The following ATP8A2 variants were observed in gnomAD, a reference collection of about 807,000 sequenced individuals.
ATP8A2 encodes the protein ATPase phospholipid transporting 8A2.
ATP8A2 carries 100 observed loss-of-function variants against 165.6 expected under a neutral mutation model. The ratio of observed to expected loss-of-function variants is 0.60; its 90% CI spans 0.51 to 0.71. The LOEUF is 0.71. ATP8A2 is among the 30% of genes least tolerant of loss of function. The pLI is 0.00. For synonymous variants in ATP8A2, 543 were observed against 548.8 expected, an observed-to-expected ratio of 0.99 and a Z score of 0.15; for missense variants, 1,227 against 1,479.5, an observed-to-expected ratio of 0.83 and a Z score of 2.80.
At chr13:25,848,488 G>C (rs1215298825) in intron 30 of ATP8A2, among the ~76,000 whole-genome samples, 1 of 152,212 alleles carries the variant, frequency 6.6e-6, no homozygotes, top group Non-Finnish European at 1.5e-5. Flanking sequence ...CTCACTGGGT[G>C]ACTGCCTGGG....
At chr13:25,590,873 G>A (rs774824822) in intron 24 of ATP8A2, among the ~76,000 whole-genome samples, 74 of 152,158 alleles carry the variant, frequency 4.9e-4, no homozygotes, top group Middle Eastern at 3.4e-3. Flanking sequence ...GGGAGAGTCC[G>A]TAGTTCTGTA....
intron 24 of ATP8A2, among the ~76,000 whole-genome samples, chr13:25,683,159 A>C (rs541467174): frequency 6.6e-6 from 1 of 152,308 alleles, no homozygotes; most frequent in Non-Finnish European, 1.5e-5. Flanking sequence ...GTAATGGTGT[A>C]TAGGATGAAA....
intron 1 of ATP8A2, among the ~76,000 whole-genome samples, chr13:25,419,541 C>G (rs773785292): frequency 5.3e-5 from 8 of 152,064 alleles, no homozygotes; most frequent in Non-Finnish European, 1.2e-4. Context: ...TGACTAATGC[C>G]CAACGCACTT....
chr13:25,710,211 C>G (rs1017778152), intron 25 of ATP8A2, among the ~76,000 whole-genome samples: 1 of 152,088 alleles, frequency 6.6e-6, no homozygotes, highest in Admixed American at 6.6e-5. Flanking sequence ...ATGTAATGAT[C>G]AGATCAGGGT....
intron 1 of ATP8A2, among the ~76,000 whole-genome samples, chr13:25,418,389 A>G (rs2034196675): frequency 6.6e-6 from 1 of 152,100 alleles, no homozygotes; most frequent in South Asian, 2.1e-4. Flanking sequence ...GCAGTGCCAG[A>G]CCTTCACTGA....
At chr13:25,623,866 A>G (rs2041036266) in intron 24 of ATP8A2, among the ~76,000 whole-genome samples, 1 of 152,118 alleles carries the variant, frequency 6.6e-6, no homozygotes. Flanking sequence ...ATGCATAGAT[A>G]TATGCATATA....
At chr13:25,912,918 C>T (rs1031574325) in intron 33 of ATP8A2, among the ~76,000 whole-genome samples, 5 of 152,172 alleles carry the variant, frequency 3.3e-5, no homozygotes, top group Non-Finnish European at 5.9e-5. Flanking sequence ...TGCAGCAGTG[C>T]GTTGGTCAAC....
rs774498645 is a variant in ATP8A2 at position 25,769,115 on chromosome 13, C to T, written c.2454C>T (p.Ala818=). 6.2e-7 allele frequency: 1 copy of T among 1,614,196 alleles called. No homozygotes were observed. The highest frequency in any genetic ancestry group is 8.5e-7 in the Non-Finnish European group (1 of 1,180,034). The change falls in exon 26 of 37, where the codon GCC becomes GCT. Residue 818 remains alanine (A), a synonymous_variant. Transcript: ENST00000381655. ...VKKRVKAITL[A]IGDGANDVGM... ...AGCGGGTGAAGGCCATCACCCTCGC[C>T]ATCGGAGACGGCGCCAACGATGTCG...
chr13:25,593,867 T>TA (rs1271311611), intron 24 of ATP8A2, among the ~76,000 whole-genome samples: 10 of 152,274 alleles, frequency 6.6e-5, no homozygotes, highest in East Asian at 1.9e-4. Flanking sequence ...GAATTCCTGT[T>TA]AAAAAAATAA....
intron 27 of ATP8A2, among the ~76,000 whole-genome samples, chr13:25,817,930 C>G (rs1951072547): frequency 1.3e-5 from 2 of 152,178 alleles, no homozygotes; most frequent in Non-Finnish European, 2.9e-5. Context: ...GTCCTGCTGC[C>G]TCAACCTCCC....
At chr13:25,835,948 T>C (rs74038027) in intron 28 of ATP8A2, among the ~76,000 whole-genome samples, 3,833 of 152,296 alleles carry the variant, frequency 0.025, 166 homozygotes, top group African/African-American at 0.085. Context: ...ACATCTCATT[T>C]CATGAAACAG....
Position 25,769,134 on chromosome 13 carries a change from G to C in ATP8A2, c.2473G>C (p.Asp825His), listed in dbSNP as rs796952533. ...CCTCGCCATCGGAGACGGCGCCAACGATGTCGGGATGATCCAGACAGCCCA... is the reference window on the plus strand; with the variant it reads ...CCTCGCCATCGGAGACGGCGCCAACCATGTCGGGATGATCCAGACAGCCCA... ...ITLAIGDGAN[D>H]VGMIQTAHVG... The change falls in exon 26 of 37, where the codon GAT (aspartate) becomes CAT (histidine). Residue 825 changes from aspartate to histidine, a missense_variant. Physicochemically the swap from Asp to His is moderately conservative, Grantham distance 81 (BLOSUM62 -1). Around this residue, in one of 5 missense-constraint regions of ATP8A2, gnomAD observed 592 missense variants for 785.6 expected, o/e 0.75. Transcript: ENST00000381655. The C allele has an allele frequency of 6.2e-7, 1 of 1,614,186 alleles. No individual in the cohort carries two copies. The highest frequency in any genetic ancestry group is 8.5e-7 in the Non-Finnish European group (1 of 1,180,022).
chr13:25,432,376 T>C (rs1421027091), intron 1 of ATP8A2, among the ~76,000 whole-genome samples: 2 of 152,198 alleles, frequency 1.3e-5, no homozygotes, highest in African/African-American at 2.4e-5. Flanking sequence ...CCCTAGGGAA[T>C]AGGATGTCTC....
At chr13:25,842,677 A>G (rs1418518379) in intron 30 of ATP8A2, among the ~76,000 whole-genome samples, 1 of 151,780 alleles carries the variant, frequency 6.6e-6, no homozygotes, top group Non-Finnish European at 1.5e-5. Flanking sequence ...GTCAAAAAAA[A>G]AAAGAAAGAA....
At chr13:25,697,005 G>T (rs1426943753) in intron 24 of ATP8A2, among the ~76,000 whole-genome samples, 1 of 152,166 alleles carries the variant, frequency 6.6e-6, no homozygotes, top group East Asian at 1.9e-4. Context: ...TTAAAATATT[G>T]CAAGAATTAC....
intron 24 of ATP8A2, among the ~76,000 whole-genome samples, chr13:25,687,739 C>G (rs1030853470): frequency 2.0e-5 from 3 of 151,984 alleles, no homozygotes; most frequent in African/African-American, 7.3e-5. Flanking sequence ...TCACCGAGCA[C>G]TGTTTATTCT....
intron 22 of ATP8A2, among the ~76,000 whole-genome samples, chr13:25,580,640 C>T (rs574106901): frequency 3.5e-4 from 53 of 152,274 alleles, no homozygotes; most frequent in African/African-American, 1.2e-3. Context: ...TTCAAGCTAA[C>T]CTCCTACTTC....
intron 27 of ATP8A2, among the ~76,000 whole-genome samples, chr13:25,792,942 A>AAAGGAAGGAAAGAAGG (rs2045217670): frequency 6.7e-6 from 1 of 149,904 alleles, no homozygotes; most frequent in African/African-American, 2.5e-5. Context: ...GAGAAAGAAG[A>AAAGGAAGGAAAGAAGG]AAGGAAGGAA....
intron 33 of ATP8A2, among the ~76,000 whole-genome samples, chr13:25,954,321 G>C (rs1404407688): frequency 6.6e-6 from 1 of 152,140 alleles, no homozygotes; most frequent in Non-Finnish European, 1.5e-5. Flanking sequence ...CCCCTCTCTG[G>C]GCAGGGCATC....
Sources: gnomAD v4.1 joint callset for allele counts (sites outside exome capture counted in the v4.1 genomes callset) on GRCh38, gnomAD v4.1.1 for gene constraint, gnomAD v4.1.1 regional missense constraint, MANE v1.5 for transcripts, NCBI Gene and HGNC (gene_info 2026-07-23, HGNC 2026-07-21) for gene names.